Variants in FSTL4 observed in about 807,000 individuals in gnomAD.
FSTL4 encodes follistatin like 4.
Under a neutral mutation model 78.2 loss-of-function variants are expected in FSTL4, and 28 were observed. The ratio of observed to expected loss-of-function variants is 0.36; its 90% confidence interval spans 0.27 to 0.49. FSTL4 has a LOEUF of 0.49. Ranked by LOEUF, FSTL4 falls within the 20% of genes least tolerant of loss-of-function variation. FSTL4 has a pLI of 0.98. For synonymous variants in FSTL4, 422 were observed against 440.5 expected, an observed-to-expected ratio of 0.96 and a Z score of 0.53; for missense variants, 922 against 1,084.9, an observed-to-expected ratio of 0.85 and a Z score of 2.11.
chr5:133,301,161 C>T (rs919780345), intron 6 of FSTL4, among the ~76,000 whole-genome samples: 19 of 152,136 alleles, frequency 1.2e-4, no homozygotes, highest in South Asian at 4.1e-4. Flanking sequence ...CTCTGCCCAC[C>T]CCAGAGTCAC....
intron 6 of FSTL4, among the ~76,000 whole-genome samples, chr5:133,250,346 T>G (rs1290714330): frequency 6.6e-6 from 1 of 152,160 alleles, no homozygotes; most frequent in Non-Finnish European, 1.5e-5. Flanking sequence ...AATGACCAAA[T>G]GGGATCAGGC....
the FSTL4 span, among the ~76,000 whole-genome samples, chr5:133,700,613 C>T: frequency 2.0e-5 from 3 of 152,214 alleles, no homozygotes; most frequent in African/African-American, 7.2e-5. Context: ...AGTGCAGCCC[C>T]AGGAATGATA....
chr5:133,708,519 TC>T, the FSTL4 span, among the ~76,000 whole-genome samples: 1 of 152,072 alleles, frequency 6.6e-6, no homozygotes, highest in Non-Finnish European at 1.5e-5. Flanking sequence ...TGACCGTTCC[TC>T]CTCCCAGACC....
At chr5:133,728,052 C>T in the FSTL4 span, among the ~76,000 whole-genome samples, 1 of 152,200 alleles carries the variant, frequency 6.6e-6, no homozygotes, top group African/African-American at 2.4e-5. Context: ...AGCAGCTGCC[C>T]AGCCTGACCC....
chr5:133,590,972 T>A (rs417049), intron 2 of FSTL4, among the ~76,000 whole-genome samples: 1 of 151,916 alleles, frequency 6.6e-6, no homozygotes, highest in Non-Finnish European at 1.5e-5. Context: ...GAGCCTTCGT[T>A]ACCTAAACAC....
At chr5:133,347,704 T>A (rs745653881) in intron 4 of FSTL4, among the ~76,000 whole-genome samples, 1 of 152,220 alleles carries the variant, frequency 6.6e-6, no homozygotes, top group African/African-American at 2.4e-5. Context: ...CGTATTTTCC[T>A]TTTCTTAGTC....
intron 4 of FSTL4, among the ~76,000 whole-genome samples, chr5:133,398,990 C>T (rs973238851): frequency 1.3e-5 from 2 of 152,192 alleles, no homozygotes; most frequent in South Asian, 2.1e-4. Context: ...GGCTGCCTGC[C>T]CCCCGCTCCA....
At chr5:133,463,175 AC>A (rs1757631452) in intron 3 of FSTL4, among the ~76,000 whole-genome samples, 1 of 152,186 alleles carries the variant, frequency 6.6e-6, no homozygotes, top group Non-Finnish European at 1.5e-5. Context: ...TCCTATGAGT[AC>A]CTGGTGACAG....
the FSTL4 span, among the ~76,000 whole-genome samples, chr5:133,618,049 A>C: frequency 6.6e-6 from 1 of 152,200 alleles, no homozygotes; most frequent in Admixed American, 6.5e-5. Flanking sequence ...GTTCCAAGAC[A>C]CTTAGTGGAT....
intron 4 of FSTL4, among the ~76,000 whole-genome samples, chr5:133,323,662 T>C (rs1456400103): frequency 1.3e-5 from 2 of 152,320 alleles, no homozygotes; most frequent in South Asian, 4.1e-4. Context: ...GTGCCCTCCA[T>C]GCCACAGGGC....
chr5:133,354,723 C>A (rs945597085), intron 4 of FSTL4, among the ~76,000 whole-genome samples: 3 of 152,234 alleles, frequency 2.0e-5, no homozygotes, highest in African/African-American at 7.2e-5. Flanking sequence ...AGTCCTCTAG[C>A]TGATGGCCTT....
the FSTL4 span, among the ~76,000 whole-genome samples, chr5:133,773,728 T>C: frequency 6.6e-6 from 1 of 152,200 alleles, no homozygotes; most frequent in Non-Finnish European, 1.5e-5. Flanking sequence ...CCTTTATAAA[T>C]AGTACTTGCA....
chr5:133,591,237 G>C (rs571823866), intron 2 of FSTL4, among the ~76,000 whole-genome samples: 1 of 152,172 alleles, frequency 6.6e-6, no homozygotes, highest in African/African-American at 2.4e-5. Context: ...CAGACAGGCC[G>C]GGTTGGTGAG....
rs1750205195 is a variant in FSTL4, at chr5:133,198,386, T to G, written c.*709A>C. 2 of 152,550 alleles carry G rather than the reference T, an allele frequency of 1.3e-5. No individual in the cohort carries two copies. The highest frequency in any genetic ancestry group is 2.4e-5 in the African/African-American group (1 of 41,416). 9.4% of individuals were successfully genotyped at this position (152,550 alleles called of 1,614,324 possible). ...TCTTTCTGGCTGTGGGATGTGGGGT[T>G]GTGACCACCCCCGAGACTCGGCCTA... On this transcript the variant is annotated 3_prime_UTR_variant, in exon 16 of 16. Transcript: ENST00000265342.
the FSTL4 span, among the ~76,000 whole-genome samples, chr5:133,798,617 A>T: frequency 5.2e-3 from 791 of 152,132 alleles, 26 homozygotes; most frequent in East Asian, 0.1. Flanking sequence ...CTTCTCTCCC[A>T]GTCAATCCTC....
chr5:133,532,117 G>A (rs1759266242), intron 3 of FSTL4, among the ~76,000 whole-genome samples: 1 of 152,188 alleles, frequency 6.6e-6, no homozygotes, highest in Non-Finnish European at 1.5e-5. Flanking sequence ...GAGGCAGGAG[G>A]GTCACAGTCG....
At chr5:133,533,941 A>G (rs1265474042) in intron 3 of FSTL4, among the ~76,000 whole-genome samples, 1 of 152,008 alleles carries the variant, frequency 6.6e-6, no homozygotes, top group East Asian at 1.9e-4. Context: ...CTCCTCATCT[A>G]CATCTCCTCC....
intron 6 of FSTL4, among the ~76,000 whole-genome samples, chr5:133,263,617 G>A (rs73279930): frequency 0.057 from 8,693 of 152,216 alleles, 778 homozygotes; most frequent in African/African-American, 0.18. Flanking sequence ...TCTTTGGAAT[G>A]GGTTGGACAG....
the FSTL4 span, among the ~76,000 whole-genome samples, chr5:133,800,912 T>C: frequency 1.4e-5 from 2 of 145,196 alleles, no homozygotes; most frequent in African/African-American, 5.0e-5. Context: ...TGCCTGGTGG[T>C]GGCAGGAAGC....
Sources: gnomAD v4.1 joint callset for allele counts (sites outside exome capture counted in the v4.1 genomes callset) on GRCh38, gnomAD v4.1.1 for gene constraint, MANE v1.5 for transcripts, NCBI Gene and HGNC (gene_info 2026-07-23, HGNC 2026-07-21) for gene names.